PON1: variants seen among roughly 807,000 people sequenced by gnomAD.
PON1 encodes serum paraoxonase/arylesterase 1.
PON1 carries 37 observed loss-of-function variants against 39.2 expected under a neutral mutation model. That is an observed-to-expected ratio of 0.94 (90% CI 0.73 to 1.24). The LOEUF is 1.24. Ranked by LOEUF, PON1 falls within the 50% of genes most tolerant of loss-of-function variation. The probability of loss-of-function intolerance (pLI) is 0.00; values close to 1 mark genes in which losing one functional copy is unlikely to be tolerated. For missense variants in PON1, 397 were observed against 413.5 expected (o/e 0.96, Z 0.35); for synonymous variants, 148 against 152.2 (o/e 0.97, Z 0.21).
At chr7:95,318,943 T>C (rs1398084678) in intron 1 of PON1, among the ~76,000 whole-genome samples, 5 of 152,054 alleles carry the variant, frequency 3.3e-5, no homozygotes, top group African/African-American at 1.2e-4. Context: ...CTCACACACA[T>C]ACACAGGAGC....
In PON1 at chr7:95,316,943, G is replaced by T. The variant is rs3917498; in HGVS notation, c.146-154C>A. 0.4 allele frequency among the ~76,000 whole-genome samples: 60,349 copies of T among 151,974 alleles called. 12,467 individuals carry two copies. Among genetic ancestry groups the T allele is most frequent in the East Asian group, 0.65 (3,338 of 5,164 alleles). ...CATTCTTTCATTTATTCAAATTGAT[G>T]AATGCGATTATATGGAAATTAAAAA... On this transcript the variant is annotated intron_variant, in intron 2 of 8. Transcript: ENST00000222381.
At chr7:95,305,787 A>G (rs1807527512) in intron 7 of PON1, among the ~76,000 whole-genome samples, 1 of 152,050 alleles carries the variant, frequency 6.6e-6, no homozygotes, top group East Asian at 1.9e-4. Context: ...CAATGGTTGG[A>G]GGTAAAGGCA....
At chr7:95,307,278 T>C (rs1807563900) in intron 6 of PON1, among the ~76,000 whole-genome samples, 1 of 152,056 alleles carries the variant, frequency 6.6e-6, no homozygotes, top group Non-Finnish European at 1.5e-5. Context: ...CAGGCTGGTC[T>C]ATGACCTCAG....
chr7:95,307,850 A>T (rs1380484940), intron 6 of PON1, among the ~76,000 whole-genome samples, 161 bp downstream of exon 6: 1 of 152,218 alleles, frequency 6.6e-6, no homozygotes, highest in Admixed American at 6.5e-5. Context: ...TGATTTGATA[A>T]ATTTCACCCC....
At chr7:95,305,400 C>G (rs1186380922) in intron 7 of PON1, among the ~76,000 whole-genome samples, 1 of 152,094 alleles carries the variant, frequency 6.6e-6, no homozygotes, top group East Asian at 1.9e-4. Context: ...TGAAGCATGC[C>G]CAGCCCCACC....
chr7:95,311,562 A>G lies in PON1; in HGVS notation c.386T>C (p.Leu129Pro). The G allele has an allele frequency of 6.2e-7, 1 of 1,613,992 alleles. No homozygotes were observed. Among genetic ancestry groups the G allele is most frequent in the Non-Finnish European group, 8.5e-7 (1 of 1,179,850 alleles). The change falls in exon 5 of 9, where the codon CTC becomes CCC. Residue 129 changes from leucine to proline, a missense_variant. Leu to Pro is a moderately conservative substitution (Grantham distance 98, BLOSUM62 -3). Coordinates refer to ENST00000222381, the MANE Select transcript of PON1 (RefSeq NM_000446.7). ...TFTDEDNAMY[L>P]LVVNHPDAKS... is the part of the protein sequence containing the mutation. The stretch of plus-strand genomic sequence containing the variant: ...GGCATCTGGATGGTTCACCACCAGG[A>G]GGTACATGGCATTATCTGAGAGGAG...
chr7:95,302,853 A>C (rs2116300527), intron 7 of PON1, among the ~76,000 whole-genome samples: 1 of 152,246 alleles, frequency 6.6e-6, no homozygotes, highest in Admixed American at 6.5e-5. Flanking sequence ...GTTGAGGAAA[A>C]GTTTGTTCTT....
intron 2 of PON1, 64 bp from the exon 3 acceptor site, chr7:95,316,853 C>T (rs986850907): frequency 1.6e-4 from 201 of 1,222,206 alleles, no homozygotes; most frequent in Non-Finnish European, 2.3e-4. Context: ...GGATCCATTT[C>T]TTTATCACAC....
intron 1 of PON1, among the ~76,000 whole-genome samples, chr7:95,320,393 G>A (rs1334989416): frequency 2.0e-5 from 3 of 152,172 alleles, no homozygotes; most frequent in Non-Finnish European, 4.4e-5. Flanking sequence ...TGGGCAAGGG[G>A]GCATTAAGTC....
chr7:95,299,481 T>C (rs886754253), intron 8 of PON1, among the ~76,000 whole-genome samples: 4 of 152,126 alleles, frequency 2.6e-5, no homozygotes. Flanking sequence ...TGCAAAGTAT[T>C]GATCCTGGGT....
chr7:95,313,542 AT>A (rs1390554252), intron 4 of PON1, among the ~76,000 whole-genome samples: 1 of 152,192 alleles, frequency 6.6e-6, no homozygotes, highest in Non-Finnish European at 1.5e-5. Context: ...GTACTTAAAA[AT>A]ATTTTTAAAA....
chr7:95,299,196 A>ATCT lies in PON1; in HGVS notation c.910-97_910-95dup, dbSNP rs768899257. On this transcript the variant is annotated intron_variant, in intron 8 of 8. Transcript: ENST00000222381. ...GTCATCCTCCATAAGAAGCCATATAATCTTATACAATGAGATAAATCCTAT... is the reference window on the plus strand; with the variant it reads ...GTCATCCTCCATAAGAAGCCATATAATCTTCTTATACAATGAGATAAATCCTAT... 8.8e-4 allele frequency: 1,109 copies of ATCT among 1,259,026 alleles called. 1 individual carries two copies. The highest frequency in any genetic ancestry group is 1.1e-3 in the Middle Eastern group (6 of 5,370). The allele number at this position is 1,259,026 out of a possible 1,614,324, so 78.0% of individuals were successfully genotyped here. A position where few individuals can be genotyped will look rare whatever the true frequency, so the allele number is the denominator to read the frequency against.
intron 2 of PON1, among the ~76,000 whole-genome samples, chr7:95,317,236 G>A (rs1807787506): frequency 1.3e-5 from 2 of 152,132 alleles, no homozygotes; most frequent in Non-Finnish European, 2.9e-5. Flanking sequence ...AAATAGTTGA[G>A]TTAAAATGGG....
intron 4 of PON1, among the ~76,000 whole-genome samples, chr7:95,314,025 A>G (rs564002498): frequency 6.6e-6 from 1 of 152,294 alleles, no homozygotes; most frequent in African/African-American, 2.4e-5. Context: ...ATCAGGGAAG[A>G]GCAAGTTTTG....
At chr7:95,302,440 T>C in intron 7 of PON1, 107 bp from the exon 8 acceptor site, 1 of 939,400 alleles carries the variant, frequency 1.1e-6, no homozygotes, top group Non-Finnish European at 1.7e-6. Flanking sequence ...GTCACCACGC[T>C]GCTGCTTCCA....
chr7:95,320,010 A>G (rs1258206252), intron 1 of PON1, among the ~76,000 whole-genome samples: 1 of 152,158 alleles, frequency 6.6e-6, no homozygotes, highest in African/African-American at 2.4e-5. Context: ...TGGTCTAGGG[A>G]AAGTGTAGTG....
chr7:95,317,592 AAG>A (rs1491044311), intron 2 of PON1, among the ~76,000 whole-genome samples: 2,190 of 74,038 alleles, frequency 0.03, 56 homozygotes, highest in African/African-American at 0.081. Flanking sequence ...AAAAAAAAAA[AAG>A]AAAGAAAAAG....
intron 8 of PON1, among the ~76,000 whole-genome samples, chr7:95,301,572 C>T (rs961516005): frequency 6.6e-6 from 1 of 152,130 alleles, no homozygotes; most frequent in African/African-American, 2.4e-5. Flanking sequence ...TTCATTTCCT[C>T]CCTCCCTTGC....
intron 4 of PON1, among the ~76,000 whole-genome samples, chr7:95,313,618 A>ATGTATGTGTGTGTGTGTGTG (rs374185817): frequency 1.4e-4 from 21 of 147,184 alleles, no homozygotes; most frequent in African/African-American, 5.3e-4. Flanking sequence ...ATATATGTAT[A>ATGTATGTGTGTGTGTGTGTG]TGTGTGTGTG....
Sources: allele counts gnomAD v4.1 joint callset (sites outside exome capture counted in the v4.1 genomes callset), GRCh38; gene constraint gnomAD v4.1.1; transcripts MANE v1.5; gene names NCBI Gene and HGNC (gene_info 2026-07-23, HGNC 2026-07-21).